Variants in DAOA observed in about 807,000 individuals in gnomAD.
DAOA encodes D-amino acid oxidase activator, also known as D-amino acid oxidase regulator.
In DAOA, 15 loss-of-function variants were observed where a neutral mutation model predicts 16.4. The observed-to-expected ratio is 0.91, with a 90% confidence interval of 0.61 to 1.41. The LOEUF (loss-of-function observed/expected upper bound fraction) is 1.41, where lower values mean the gene tolerates loss of function less well. Among genes scored for constraint, DAOA ranks in the 40% most tolerant of loss-of-function variants. The pLI, the probability that DAOA is intolerant of heterozygous loss-of-function variation, is 0.00. For missense variants in DAOA, 230 were observed against 176.8 expected (o/e 1.30, Z -1.71); for synonymous variants, 75 against 59.1 (o/e 1.27, Z -1.23).
chr13:105,478,512 C>T (rs1877498091), intron 4 of DAOA, among the ~76,000 whole-genome samples: 2 of 152,146 alleles, frequency 1.3e-5, no homozygotes, highest in Non-Finnish European at 2.9e-5. Context: ...GTGTTCTTTT[C>T]TGTTCAAGAA....
intron 3 of DAOA, among the ~76,000 whole-genome samples, chr13:105,468,070 A>G (rs3918341): frequency 0.35 from 52,828 of 151,820 alleles, 10,837 homozygotes; most frequent in East Asian, 0.62. Flanking sequence ...CTCTGTCTTT[A>G]GAGTCAGCAA....
intron 4 of DAOA, among the ~76,000 whole-genome samples, chr13:105,487,930 C>A (rs1878245150): frequency 6.6e-6 from 1 of 152,062 alleles, no homozygotes; most frequent in African/African-American, 2.4e-5. Context: ...CTTTTGCCAC[C>A]CCTGGGGACA....
intron 4 of DAOA, 85 bp from the exon 5 acceptor site, chr13:105,489,816 A>C: frequency 1.2e-6 from 2 of 1,612,864 alleles, no homozygotes; most frequent in Non-Finnish European, 1.7e-6. Context: ...AACCAATGGA[A>C]CATGGGAAAG....
chr13:105,466,958 A>AC, intron 2 of DAOA, 95 bp from the exon 3 acceptor site: 1 of 1,433,064 alleles, frequency 7.0e-7, no homozygotes, highest in Non-Finnish European at 9.2e-7. Flanking sequence ...GCTAAACCAT[A>AC]CATGTTATAT....
At chr13:105,482,836 C>T (rs1877849067) in intron 4 of DAOA, among the ~76,000 whole-genome samples, 1 of 152,022 alleles carries the variant, frequency 6.6e-6, no homozygotes, top group African/African-American at 2.4e-5. Context: ...AAATTGTGAA[C>T]TTGGAAATAG....
In DAOA at chr13:105,490,012, C is replaced by T; in HGVS notation, c.393C>T (p.Thr131=). Residue 131 remains threonine, a synonymous_variant, in exon 5 of 6, where the codon ACC becomes ACT. Coordinates refer to ENST00000375936, the MANE Select transcript of DAOA (RefSeq NM_172370.5). Reference sequence around the variant, plus strand: ...GGCAGCCTCTAGAACGAATGTGGACCTGCAACTACAACCAGCAAAAAGACC... The same window carrying T: ...GGCAGCCTCTAGAACGAATGTGGACTTGCAACTACAACCAGCAAAAAGACC... The part of the protein sequence containing the change: ...DRRQPLERMW[T]CNYNQQKDQS... 1 of 1,611,694 alleles carries T rather than the reference C, an allele frequency of 6.2e-7. No individual in the cohort carries two copies. The highest frequency in any genetic ancestry group is 8.5e-7 in the Non-Finnish European group (1 of 1,178,992).
At chr13:105,466,880 T>C (rs1489217452) in intron 2 of DAOA, 173 bp from the exon 3 acceptor site, 1 of 891,170 alleles carries the variant, frequency 1.1e-6, no homozygotes, top group African/African-American at 1.7e-5. Context: ...AACCTCAATA[T>C]CTTCATCTAT....
chr13:105,489,171 T>G (rs1458899484), intron 4 of DAOA, among the ~76,000 whole-genome samples: 1 of 152,182 alleles, frequency 6.6e-6, no homozygotes. Flanking sequence ...CTTTTATAAA[T>G]GCGTTATTTT....
At position 105,468,793 on chromosome 13, in the gene DAOA, T is replaced by A. The variant is rs187934496; in HGVS notation, c.133+1652T>A. Among the ~76,000 whole-genome samples the A allele has an allele frequency of 8.5e-5, 13 of 152,318 alleles. No individual in the cohort carries two copies. The East Asian group carries it at 2.3e-3, about 27-fold the overall frequency. ...TGATGGCCATGCCTTGGAACACTAT[T>A]CCCTTCAGAGATTTGTCTCTGGTTT... On this transcript the variant is annotated intron_variant, in intron 3 of 5. Transcript: ENST00000375936.
chr13:105,490,386 G>C lies in DAOA; in HGVS notation c.*111+194G>C, dbSNP rs190658815. ...AGTTACACATACTGCTTTGTGAGCTGTCATAATCAGTAAAACAAACAACGG... is the reference window on the plus strand; with the variant it reads ...AGTTACACATACTGCTTTGTGAGCTCTCATAATCAGTAAAACAAACAACGG... On this transcript the variant is annotated intron_variant, in intron 5 of 5. Coordinates refer to ENST00000375936, the MANE Select transcript of DAOA (RefSeq NM_172370.5). 1.5e-3 allele frequency: 250 copies of C among 172,376 alleles called. 2 individuals carry two copies. Among genetic ancestry groups the C allele is most frequent in the Middle Eastern group, 0.011 (4 of 348 alleles). 10.7% of individuals were successfully genotyped at this position (172,376 alleles called of 1,614,324 possible).
At chr13:105,472,429 G>A in intron 3 of DAOA, 109 bp from the exon 4 acceptor site, 4 of 1,400,520 alleles carry the variant, frequency 2.9e-6, no homozygotes, top group Non-Finnish European at 3.7e-6. Context: ...GAAAAATTAA[G>A]TAAAATGGAC....
At chr13:105,478,827 A>G (rs1035828204) in intron 4 of DAOA, among the ~76,000 whole-genome samples, 1 of 152,172 alleles carries the variant, frequency 6.6e-6, no homozygotes, top group Admixed American at 6.5e-5. Context: ...CATTATGCCA[A>G]ACACCAATAC....
chr13:105,473,098 C>T (rs1043967291), intron 4 of DAOA, among the ~76,000 whole-genome samples: 5 of 151,758 alleles, frequency 3.3e-5, no homozygotes, highest in Non-Finnish European at 7.4e-5. Flanking sequence ...ATAAGCCTGC[C>T]CATACACAAC....
chr13:105,488,232 T>C (rs1413590149), intron 4 of DAOA, among the ~76,000 whole-genome samples: 1 of 152,212 alleles, frequency 6.6e-6, no homozygotes, highest in Non-Finnish European at 1.5e-5. Context: ...AGTGTAATAT[T>C]CTTGTCAGCA....
In DAOA at chr13:105,485,003, G is replaced by T. The variant is rs554466581; in HGVS notation, c.282-4898G>T. 1.2e-4 allele frequency among the ~76,000 whole-genome samples: 19 copies of T among 152,142 alleles called. No individual in the cohort carries two copies. In the South Asian group the frequency reaches 1.9e-3, roughly 15 times the overall value. On this transcript the variant is annotated intron_variant, in intron 4 of 5. Transcript: ENST00000375936. ...CAAATGTCCTGTCTGTTTCTTGACG[G>T]TTTGTTTTTTCTTATGGCAGGGTTA...
At chr13:105,475,084 G>C in intron 4 of DAOA, 1 of 969,242 alleles carries the variant, frequency 1.0e-6, no homozygotes, top group South Asian at 4.8e-5. Flanking sequence ...AAGATGTTAA[G>C]CTGCATACCC....
intron 4 of DAOA, among the ~76,000 whole-genome samples, chr13:105,488,025 C>A (rs1488235061): frequency 6.6e-6 from 1 of 151,980 alleles, no homozygotes; most frequent in Admixed American, 6.6e-5. Flanking sequence ...AAAGGCAGAA[C>A]TAATGGATGT....
intron 4 of DAOA, among the ~76,000 whole-genome samples, chr13:105,477,468 C>T (rs941612366): frequency 6.6e-6 from 1 of 152,224 alleles, no homozygotes; most frequent in Non-Finnish European, 1.5e-5. Flanking sequence ...GTGGCTCATG[C>T]TTGTAATCCC....
intron 3 of DAOA, 96 bp downstream of exon 3, chr13:105,467,237 C>T (rs181495450): frequency 1.5e-5 from 19 of 1,275,414 alleles, no homozygotes; most frequent in South Asian, 1.4e-4. Flanking sequence ...TATTTTCAAG[C>T]GTAGACAAAC....
Sources: gnomAD v4.1 joint callset for allele counts (sites outside exome capture counted in the v4.1 genomes callset) on GRCh38, gnomAD v4.1.1 for gene constraint, MANE v1.5 for transcripts, NCBI Gene and HGNC (gene_info 2026-07-23, HGNC 2026-07-21) for gene names.